CDKAL1: variants seen among roughly 807,000 people sequenced by gnomAD.
The protein encoded by CDKAL1 is threonylcarbamoyladenosine tRNA methylthiotransferase.
In CDKAL1, 32 loss-of-function variants were observed where a neutral mutation model predicts 68.2. The observed-to-expected ratio is 0.47, with a 90% confidence interval of 0.35 to 0.63. The LOEUF (loss-of-function observed/expected upper bound fraction) is 0.63, where lower values mean the gene tolerates loss of function less well. Ranked by LOEUF, CDKAL1 falls within the 30% of genes least tolerant of loss-of-function variation. The probability of loss-of-function intolerance (pLI) is 0.00; values close to 1 mark genes in which losing one functional copy is unlikely to be tolerated. For missense variants in CDKAL1, 606 were observed against 696.7 expected (o/e 0.87, Z 1.47); for synonymous variants, 234 against 244.3 (o/e 0.96, Z 0.39).
chr6:20,729,744 A>C (rs1772821946), intron 5 of CDKAL1, among the ~76,000 whole-genome samples: 1 of 152,212 alleles, frequency 6.6e-6, no homozygotes. Flanking sequence ...GTTAGAACCC[A>C]GGCAGCCTGG....
At chr6:21,090,539 G>T (rs984284302) in intron 12 of CDKAL1, among the ~76,000 whole-genome samples, 1 of 152,196 alleles carries the variant, frequency 6.6e-6, no homozygotes, top group South Asian at 2.1e-4. Context: ...GATAGAGACT[G>T]ATTTATGGAT....
At chr6:20,696,288 A>G (rs1771104160) in intron 5 of CDKAL1, among the ~76,000 whole-genome samples, 1 of 152,228 alleles carries the variant, frequency 6.6e-6, no homozygotes. Context: ...TATATTGCTC[A>G]GTGGCAGTTA....
At chr6:21,004,972 T>A (rs1021440521) in intron 11 of CDKAL1, among the ~76,000 whole-genome samples, 4 of 151,578 alleles carry the variant, frequency 2.6e-5, no homozygotes, top group Admixed American at 2.6e-4. Context: ...TCAAAAAAAA[T>A]TTGTCTTTGT....
chr6:20,749,912 T>C (rs1773842066), intron 6 of CDKAL1, among the ~76,000 whole-genome samples: 1 of 151,870 alleles, frequency 6.6e-6, no homozygotes, highest in Non-Finnish European at 1.5e-5. Flanking sequence ...CGCCATGTTG[T>C]CCAGGGTGGT....
intron 12 of CDKAL1, among the ~76,000 whole-genome samples, chr6:21,084,674 C>T (rs1192353627): frequency 3.3e-5 from 5 of 152,194 alleles, no homozygotes; most frequent in Non-Finnish European, 5.9e-5. Flanking sequence ...TTCCCTCTAA[C>T]TATTTTCTGG....
At chr6:20,748,969 A>G (rs2150336760) in intron 6 of CDKAL1, among the ~76,000 whole-genome samples, 1 of 151,584 alleles carries the variant, frequency 6.6e-6, no homozygotes, top group East Asian at 1.9e-4. Flanking sequence ...ATATATGTAT[A>G]TGTATGTGTA....
intron 4 of CDKAL1, among the ~76,000 whole-genome samples, chr6:20,647,170 T>C (rs1768512520): frequency 6.6e-6 from 1 of 152,266 alleles, no homozygotes; most frequent in Non-Finnish European, 1.5e-5. Context: ...TCATTTGAAA[T>C]TCAACATTCA....
chr6:20,937,143 T>C (rs959077090), intron 9 of CDKAL1, among the ~76,000 whole-genome samples: 1 of 152,184 alleles, frequency 6.6e-6, no homozygotes, highest in Non-Finnish European at 1.5e-5. Context: ...GGTGGGAGTG[T>C]AGTAGCACAG....
chr6:21,111,158 A>G (rs548417368), intron 13 of CDKAL1, among the ~76,000 whole-genome samples: 26 of 152,294 alleles, frequency 1.7e-4, no homozygotes, highest in African/African-American at 6.3e-4. Context: ...AAAATAAACT[A>G]TGGTCTGCTC....
intron 15 of CDKAL1, among the ~76,000 whole-genome samples, chr6:21,219,481 A>G (rs1172161164): frequency 6.6e-6 from 1 of 152,206 alleles, no homozygotes; most frequent in African/African-American, 2.4e-5. Flanking sequence ...ATGGAGGACC[A>G]ATTGTATAAA....
chr6:20,725,449 C>T (rs898988973), intron 5 of CDKAL1, among the ~76,000 whole-genome samples: 6 of 152,172 alleles, frequency 3.9e-5, no homozygotes, highest in South Asian at 2.1e-4. Flanking sequence ...GTCTGACTTC[C>T]GTAAGCCTCA....
At chr6:21,133,963 T>A (rs1211596726) in intron 13 of CDKAL1, among the ~76,000 whole-genome samples, 1 of 152,226 alleles carries the variant, frequency 6.6e-6, no homozygotes, top group Admixed American at 6.5e-5. Context: ...TATCTTTAAT[T>A]GCCTCTTGAA....
chr6:21,085,542 C>T (rs1360266678), intron 12 of CDKAL1, among the ~76,000 whole-genome samples: 5 of 151,986 alleles, frequency 3.3e-5, no homozygotes, highest in African/African-American at 4.8e-5. Context: ...TCACTGTTAA[C>T]AAAAAAGTAA....
At chr6:21,217,973 T>C (rs1431345437) in intron 15 of CDKAL1, among the ~76,000 whole-genome samples, 2 of 152,230 alleles carry the variant, frequency 1.3e-5, no homozygotes, top group East Asian at 3.8e-4. Context: ...CAAGTGTCTC[T>C]TCCCAGTTTG....
At chr6:20,629,124 A>T (rs1767561803) in intron 4 of CDKAL1, among the ~76,000 whole-genome samples, 1 of 152,216 alleles carries the variant, frequency 6.6e-6, no homozygotes, top group African/African-American at 2.4e-5. Flanking sequence ...AATCTGGACT[A>T]GTTTCTCTCT....
At chr6:21,093,615 G>C (rs1156657400) in intron 12 of CDKAL1, among the ~76,000 whole-genome samples, 2 of 151,134 alleles carry the variant, frequency 1.3e-5, no homozygotes, top group Non-Finnish European at 3.0e-5. Context: ...CTTCTTGCGA[G>C]GTGATTTAGA....
chr6:20,755,204 C>G (rs1366340175), intron 6 of CDKAL1, among the ~76,000 whole-genome samples: 2 of 152,114 alleles, frequency 1.3e-5, no homozygotes, highest in African/African-American at 4.8e-5. Flanking sequence ...TCTTTCTTAT[C>G]CTATTCATGT....
chr6:20,698,272 A>C (rs536002734), intron 5 of CDKAL1, among the ~76,000 whole-genome samples: 1 of 152,226 alleles, frequency 6.6e-6, no homozygotes, highest in Non-Finnish European at 1.5e-5. Flanking sequence ...CTTACAGAAA[A>C]GTTGCAAAAA....
At chr6:20,776,345 G>A (rs577438403) in intron 7 of CDKAL1, among the ~76,000 whole-genome samples, 27 of 152,230 alleles carry the variant, frequency 1.8e-4, no homozygotes, top group African/African-American at 6.5e-4. Context: ...GAAAATCTGT[G>A]GAATCCAACA....
Sources: gnomAD v4.1 joint callset for allele counts (sites outside exome capture counted in the v4.1 genomes callset) on GRCh38, gnomAD v4.1.1 for gene constraint, MANE v1.5 for transcripts, NCBI Gene and HGNC (gene_info 2026-07-23, HGNC 2026-07-21) for gene names.